The following GABRB3 variants were observed in gnomAD, a reference collection of about 807,000 sequenced individuals.
The protein encoded by GABRB3 is gamma-aminobutyric acid type A receptor subunit beta3.
A neutral mutation model predicts 52.1 loss-of-function variants in GABRB3; 14 were observed. The observed-to-expected ratio is 0.27, with a 90% CI of 0.18 to 0.42. The LOEUF (loss-of-function observed/expected upper bound fraction) is 0.42. Ranked by LOEUF, GABRB3 falls within the 10% of genes least tolerant of loss-of-function variation. The pLI, the probability that GABRB3 is intolerant of heterozygous loss-of-function variation, is 1.00. For missense variants in GABRB3, 307 were observed against 609.1 expected (o/e 0.50, Z 5.22); for synonymous variants, 260 against 232.3 (o/e 1.12, Z -1.08).
intron 3 of GABRB3, among the ~76,000 whole-genome samples, chr15:26,720,621 T>C (rs539545327): frequency 3.3e-4 from 50 of 152,304 alleles, no homozygotes; most frequent in African/African-American, 1.2e-3. Flanking sequence ...ACAAATACCT[T>C]CTCTTAGGAA....
At position 26,642,077 on chromosome 15, in the gene GABRB3, G is replaced by A. The variant is rs1893216826; in HGVS notation, c.241-20543C>T. 3.3e-5 allele frequency among the ~76,000 whole-genome samples: 5 copies of A among 151,886 alleles called. No individual in the cohort carries two copies. In the South Asian group the frequency reaches 8.3e-4, roughly 25 times the overall value. The stretch of plus-strand genomic sequence containing the variant: ...GTTAATTTGTTAAAGAATTTTTTGC[G>A]AGACAGGGTCTCATCATGTTGCCCA... On this transcript the variant is annotated intron_variant, in intron 3 of 8. Coordinates refer to ENST00000311550, the MANE Select transcript of GABRB3 (RefSeq NM_000814.6).
At chr15:26,595,233 T>C (rs1049271121) in intron 4 of GABRB3, among the ~76,000 whole-genome samples, 19 of 152,160 alleles carry the variant, frequency 1.2e-4, no homozygotes, top group African/African-American at 4.6e-4. Flanking sequence ...CATTCTGAGT[T>C]AGGCAAAGCT....
chr15:26,580,217 G>T, intron 6 of GABRB3, 102 bp downstream of exon 6: 1 of 1,372,894 alleles, frequency 7.3e-7, no homozygotes, highest in East Asian at 2.3e-5. Context: ...CACTCCTTCC[G>T]ATGATCCTGT....
chr15:26,709,134 T>G (rs190445606), intron 3 of GABRB3, among the ~76,000 whole-genome samples: 201 of 152,324 alleles, frequency 1.3e-3, no homozygotes, highest in African/African-American at 4.6e-3. Context: ...TTAGCAAATG[T>G]TTTATAGTCA....
chr15:26,644,665 T>C (rs571122230), intron 3 of GABRB3, among the ~76,000 whole-genome samples: 5 of 152,168 alleles, frequency 3.3e-5, no homozygotes, highest in African/African-American at 1.2e-4. Flanking sequence ...TACATTGCCA[T>C]GGCAGCCCTA....
intron 4 of GABRB3, 123 bp from the exon 5 acceptor site, chr15:26,583,537 T>C (rs1890863236): frequency 1.4e-6 from 1 of 733,594 alleles, no homozygotes; most frequent in Non-Finnish European, 2.5e-6. Context: ...TGGCTAAACA[T>C]CATTCACTAT....
At chr15:26,694,217 G>C (rs1888668933) in intron 3 of GABRB3, among the ~76,000 whole-genome samples, 1 of 152,182 alleles carries the variant, frequency 6.6e-6, no homozygotes, top group Non-Finnish European at 1.5e-5. Flanking sequence ...CAATATGGGG[G>C]AAGGAAAGTA....
chr15:26,664,130 G>A (rs7165959), intron 3 of GABRB3, among the ~76,000 whole-genome samples: 1,813 of 152,048 alleles, frequency 0.012, 41 homozygotes, highest in African/African-American at 0.042. Flanking sequence ...CTATAACCTC[G>A]GACTCCTGGA....
At chr15:26,622,160 T>G (rs1384653096) in intron 3 of GABRB3, among the ~76,000 whole-genome samples, 3 of 152,048 alleles carry the variant, frequency 2.0e-5, no homozygotes, top group African/African-American at 7.2e-5. Context: ...CATATTCACC[T>G]GAGGAAAATG....
At chr15:26,641,422 T>C (rs1435332831) in intron 3 of GABRB3, among the ~76,000 whole-genome samples, 2 of 152,148 alleles carry the variant, frequency 1.3e-5, no homozygotes, top group Non-Finnish European at 2.9e-5. Context: ...GGCAAGACAC[T>C]GAAGGGAGAG....
chr15:26,734,175 A>G lies in GABRB3; in HGVS notation c.240+38227T>C, dbSNP rs538126406. The stretch of plus-strand genomic sequence containing the variant: ...ATCTCGAGTAGCTGGGATTACAGGC[A>G]TGCACCATCACACCCAGCTAATTTT... On this transcript the variant is annotated intron_variant, in intron 3 of 8. Transcript: ENST00000311550. Among the ~76,000 whole-genome samples, 19 of 151,986 alleles carry G rather than the reference A, an allele frequency of 1.3e-4. No individual in the cohort carries two copies. In the East Asian group the frequency reaches 3.1e-3, roughly 25 times the overall value.
chr15:26,611,999 C>T (rs909214901), intron 4 of GABRB3: 1 of 152,190 alleles, frequency 6.6e-6, no homozygotes, highest in Non-Finnish European at 1.5e-5. Context: ...CACTAACATG[C>T]TTACTAGTCA....
chr15:26,773,628 G>C, upstream of GABRB3: 1 of 1,549,886 alleles, frequency 6.5e-7, no homozygotes. Context: ...CAGAACGCCG[G>C]GAAGCCCCCG....
chr15:26,626,789 C>T (rs1892713233), intron 3 of GABRB3, among the ~76,000 whole-genome samples: 1 of 152,186 alleles, frequency 6.6e-6, no homozygotes, highest in Admixed American at 6.5e-5. Context: ...ATTTCCATAA[C>T]ATAAAAGTGC....
At position 26,543,799 on chromosome 15, in the gene GABRB3, T is replaced by C. The variant is rs559500914; in HGVS notation, c.*3994A>G. The C allele has an allele frequency of 6.5e-6, 1 of 152,698 alleles. No homozygotes were observed. The highest frequency in any genetic ancestry group is 2.1e-4 in the South Asian group (1 of 4,820). The allele number at this position is 152,698 out of a possible 1,614,324, so 9.5% of individuals were successfully genotyped here. On this transcript the variant is annotated 3_prime_UTR_variant, in exon 9 of 9. Coordinates refer to ENST00000311550, the MANE Select transcript of GABRB3 (RefSeq NM_000814.6). ...TACCTTAAACACACTCACTGACTTG[T>C]GAAGTAGAAACATGAGACAAACGTG... is the stretch of plus-strand genomic sequence containing the variant.
At chr15:26,592,540 G>T (rs1308517232) in intron 4 of GABRB3, among the ~76,000 whole-genome samples, 1 of 152,118 alleles carries the variant, frequency 6.6e-6, no homozygotes, top group Non-Finnish European at 1.5e-5. Context: ...GAACGGGGAG[G>T]CAAAAGAACA....
intron 6 of GABRB3, 127 bp downstream of exon 6, chr15:26,580,192 T>C: frequency 9.0e-7 from 1 of 1,113,176 alleles, no homozygotes; most frequent in Non-Finnish European, 1.4e-6. Flanking sequence ...GTGTGTGATG[T>C]GTGAATGATA....
intron 3 of GABRB3, among the ~76,000 whole-genome samples, chr15:26,711,975 G>T (rs970549277): frequency 6.6e-6 from 1 of 152,170 alleles, no homozygotes; most frequent in African/African-American, 2.4e-5. Context: ...GAGAAGAAGA[G>T]AGCTTGGTGC....
At chr15:26,573,728 T>C (rs1345372688) in intron 6 of GABRB3, among the ~76,000 whole-genome samples, 2 of 152,198 alleles carry the variant, frequency 1.3e-5, no homozygotes, top group Non-Finnish European at 2.9e-5. Flanking sequence ...GCAAATCATG[T>C]ATCTGATAAG....
Sources: allele counts gnomAD v4.1 joint callset (sites outside exome capture counted in the v4.1 genomes callset), GRCh38; gene constraint gnomAD v4.1.1; transcripts MANE v1.5; gene names NCBI Gene and HGNC (gene_info 2026-07-23, HGNC 2026-07-21).